ADAMTSL1: variants seen among roughly 807,000 people sequenced by gnomAD.
ADAMTSL1 encodes the protein ADAMTS-like protein 1.
ADAMTSL1 carries 126 observed loss-of-function variants against 201.8 expected under a neutral mutation model. That is an observed-to-expected ratio of 0.62 (90% CI 0.54 to 0.72). The LOEUF is 0.72. Among genes scored for constraint, ADAMTSL1 ranks in the 30% least tolerant of loss-of-function variants. ADAMTSL1 has a pLI of 0.00. For synonymous variants in ADAMTSL1, 1,121 were observed against 903.4 expected (o/e 1.24, Z -4.32); for missense variants, 2,679 against 2,277.8 (o/e 1.18, Z -3.59).
chr9:18,314,060 G>A (rs1435470839), intron 2 of ADAMTSL1, among the ~76,000 whole-genome samples: 1 of 152,100 alleles, frequency 6.6e-6, no homozygotes, highest in Non-Finnish European at 1.5e-5. Context: ...ACGTAAAAAC[G>A]CCAACAGGTA....
intron 2 of ADAMTSL1, among the ~76,000 whole-genome samples, chr9:18,217,682 C>G (rs1252888320): frequency 3.3e-5 from 5 of 152,150 alleles, no homozygotes; most frequent in Non-Finnish European, 7.3e-5. Context: ...ATTATCTCTT[C>G]CATTAATGCC....
chr9:18,451,059 C>G (rs1820386035), intron 2 of ADAMTSL1, among the ~76,000 whole-genome samples: 1 of 152,138 alleles, frequency 6.6e-6, no homozygotes, highest in Admixed American at 6.6e-5. Flanking sequence ...GTTTCAGGTA[C>G]TTTTGAAAAG....
intron 15 of ADAMTSL1, chr9:18,724,017 G>A (rs756625817): frequency 6.6e-5 from 10 of 152,176 alleles, no homozygotes; most frequent in African/African-American, 2.2e-4. Flanking sequence ...ATGGTTCAGC[G>A]TTCCCTGTAC....
At chr9:18,766,511 A>G (rs1368754670) in intron 16 of ADAMTSL1, among the ~76,000 whole-genome samples, 1 of 152,186 alleles carries the variant, frequency 6.6e-6, no homozygotes, top group East Asian at 1.9e-4. Context: ...ATATCCTGCT[A>G]GAAACGCTAT....
At chr9:18,407,199 G>A (rs1818242012) in intron 2 of ADAMTSL1, among the ~76,000 whole-genome samples, 1 of 151,684 alleles carries the variant, frequency 6.6e-6, no homozygotes, top group African/African-American at 2.4e-5. Context: ...GCTGCCTGGG[G>A]TTCTCACAAG....
chr9:18,418,696 A>T (rs1325962771), intron 2 of ADAMTSL1, among the ~76,000 whole-genome samples: 1 of 152,164 alleles, frequency 6.6e-6, no homozygotes, highest in Middle Eastern at 3.2e-3. Flanking sequence ...ATCAAAGAAG[A>T]CCTAAGTAAA....
chr9:18,164,937 T>C (rs2132098917), intron 2 of ADAMTSL1, among the ~76,000 whole-genome samples: 1 of 152,012 alleles, frequency 6.6e-6, no homozygotes, highest in Non-Finnish European at 1.5e-5. Context: ...ATTTTTTTCA[T>C]GGTGAGCATT....
chr9:18,655,433 G>A (rs1828566054), intron 7 of ADAMTSL1, among the ~76,000 whole-genome samples: 1 of 152,064 alleles, frequency 6.6e-6, no homozygotes, highest in East Asian at 1.9e-4. Flanking sequence ...ATTAACATAA[G>A]GAGGTCAAAA....
intron 2 of ADAMTSL1, among the ~76,000 whole-genome samples, chr9:18,273,203 C>T (rs1319607558): frequency 1.3e-5 from 2 of 152,168 alleles, no homozygotes; most frequent in African/African-American, 2.4e-5. Flanking sequence ...CCTCAGCCTC[C>T]CAAGTAGCAG....
intron 2 of ADAMTSL1, among the ~76,000 whole-genome samples, chr9:18,247,641 G>C (rs1211328515): frequency 6.6e-6 from 1 of 152,116 alleles, no homozygotes; most frequent in Non-Finnish European, 1.5e-5. Flanking sequence ...CTGGTGGTCC[G>C]AGAAGGTCTT....
Position 18,380,849 on chromosome 9 carries a change from C to G in ADAMTSL1, c.208-123980C>G, listed in dbSNP as rs138520854. Among the ~76,000 whole-genome samples the G allele has an allele frequency of 1.1e-3, 169 of 152,312 alleles. 1 individual carries two copies. Among genetic ancestry groups the G allele is most frequent in the African/African-American group, 3.9e-3 (162 of 41,566 alleles). ...CCATCAGGTGAACGCATGCCCCAAACAAATGCAGCATGAGCTGTTACAAAA... is the reference window on the plus strand; with the variant it reads ...CCATCAGGTGAACGCATGCCCCAAAGAAATGCAGCATGAGCTGTTACAAAA... On this transcript the variant is annotated intron_variant, in intron 2 of 29. Coordinates refer to the ADAMTSL1 transcript ENST00000680146.
intron 2 of ADAMTSL1, among the ~76,000 whole-genome samples, chr9:18,464,404 A>G (rs1451629294): frequency 2.0e-5 from 3 of 152,256 alleles, no homozygotes; most frequent in African/African-American, 7.2e-5. Context: ...ATACTATTGT[A>G]CATTGTATTA....
chr9:18,735,524 G>A (rs1241640738), intron 15 of ADAMTSL1, among the ~76,000 whole-genome samples: 1 of 152,134 alleles, frequency 6.6e-6, no homozygotes, highest in African/African-American at 2.4e-5. Context: ...CAGAGAAACA[G>A]CAATGCTACA....
intron 3 of ADAMTSL1, among the ~76,000 whole-genome samples, chr9:18,558,189 G>A (rs952363258): frequency 3.3e-5 from 5 of 152,064 alleles, no homozygotes; most frequent in Admixed American, 2.6e-4. Flanking sequence ...GCCCCAGTGT[G>A]TGACGTTCCT....
intron 1 of ADAMTSL1, among the ~76,000 whole-genome samples, chr9:17,997,745 A>C (rs979233449): frequency 6.6e-6 from 1 of 152,082 alleles, no homozygotes; most frequent in Non-Finnish European, 1.5e-5. Flanking sequence ...CATGTAATGC[A>C]TGTAGAATAT....
In ADAMTSL1 at chr9:18,655,806, T is replaced by TAAAAAA. The variant is rs56662538; in HGVS notation, c.835-1807_835-1802dup. Among the ~76,000 whole-genome samples, 328 of 81,812 alleles carry TAAAAAA rather than the reference T, an allele frequency of 4.0e-3. 27 individuals carry two copies. The highest frequency in any genetic ancestry group is 0.017 in the African/African-American group (262 of 15,086). The allele number at this position is 81,812 out of a possible 152,430, so 53.7% of individuals were successfully genotyped here. On this transcript the variant is annotated intron_variant, in intron 7 of 28. Coordinates refer to ENST00000380548, the MANE Select transcript of ADAMTSL1 (RefSeq NM_001040272.6). ...AGAGAGCTAGAGGCTTTTGTGAGCT[T>TAAAAAA]AAAAAAAAAAAAAAAAAAAAAAAAA...
chr9:18,590,713 A>T (rs903992055), intron 4 of ADAMTSL1, among the ~76,000 whole-genome samples: 2 of 151,920 alleles, frequency 1.3e-5, no homozygotes, highest in African/African-American at 4.8e-5. Context: ...GGTACATTGT[A>T]CTTCCGTTTT....
intron 2 of ADAMTSL1, among the ~76,000 whole-genome samples, chr9:18,279,644 C>A (rs1021123956): frequency 1.3e-5 from 2 of 151,722 alleles, no homozygotes; most frequent in Non-Finnish European, 1.5e-5. Flanking sequence ...AAACAGAAAT[C>A]CACAACTTAG....
At chr9:18,425,485 G>C (rs1047716781) in intron 2 of ADAMTSL1, among the ~76,000 whole-genome samples, 3 of 152,108 alleles carry the variant, frequency 2.0e-5, no homozygotes, top group Non-Finnish European at 2.9e-5. Context: ...ATATCCAAGA[G>C]CACTTCAAAT....
Sources: allele counts gnomAD v4.1 joint callset (sites outside exome capture counted in the v4.1 genomes callset), GRCh38; gene constraint gnomAD v4.1.1; transcripts MANE v1.5; gene names NCBI Gene and HGNC (gene_info 2026-07-23, HGNC 2026-07-21).